The following NRCAM variants were observed in gnomAD, a reference collection of about 807,000 sequenced individuals.
The protein encoded by NRCAM is NgCAM-related cell adhesion molecule.
NRCAM carries 83 observed loss-of-function variants against 156.5 expected under a neutral mutation model. The ratio of observed to expected loss-of-function variants is 0.53; its 90% CI spans 0.44 to 0.64. NRCAM has a LOEUF of 0.64. NRCAM is among the 30% of genes least tolerant of loss of function. The probability of loss-of-function intolerance (pLI) is 0.00; values close to 1 mark genes in which losing one functional copy is unlikely to be tolerated. For missense variants in NRCAM, 1,417 were observed against 1,597.3 expected (o/e 0.89, Z 1.92); for synonymous variants, 538 against 563.9 (o/e 0.95, Z 0.65).
chr7:108,371,599 A>G (rs2099629029), intron 2 of NRCAM, among the ~76,000 whole-genome samples: 1 of 152,180 alleles, frequency 6.6e-6, no homozygotes, highest in Non-Finnish European at 1.5e-5. Flanking sequence ...TGAATTATTA[A>G]CAACTATGTG....
intron 2 of NRCAM, among the ~76,000 whole-genome samples, chr7:108,357,407 C>T (rs2099512563): frequency 6.6e-6 from 1 of 150,848 alleles, no homozygotes; most frequent in Non-Finnish European, 1.5e-5. Flanking sequence ...GATCTCATCT[C>T]ACTGGAACCT....
chr7:108,356,082 G>A lies in NRCAM; in HGVS notation c.-173-43351C>T, dbSNP rs540478662. Among the ~76,000 whole-genome samples the A allele has an allele frequency of 4.6e-5, 7 of 152,188 alleles. No individual in the cohort carries two copies. The East Asian group carries it at 1.4e-3, about 29-fold the overall frequency. On this transcript the variant is annotated intron_variant, in intron 2 of 32. Transcript: ENST00000379028. ...TTCTGCCTCACCCTGCTGAGTAGCT[G>A]GGACTACAGGCATGTACCACCACAT... is the stretch of plus-strand genomic sequence containing the variant.
intron 2 of NRCAM, among the ~76,000 whole-genome samples, chr7:108,392,506 G>C (rs902761795): frequency 6.6e-6 from 1 of 152,120 alleles, no homozygotes; most frequent in African/African-American, 2.4e-5. Flanking sequence ...GCTTCTTTGC[G>C]ATGGGTTTGA....
intron 3 of NRCAM, among the ~76,000 whole-genome samples, chr7:108,283,523 G>A (rs921583054): frequency 6.6e-6 from 1 of 152,190 alleles, no homozygotes; most frequent in Non-Finnish European, 1.5e-5. Flanking sequence ...AGGGGCACAC[G>A]TGGGAAACAG....
At chr7:108,248,496 C>T (rs1024936488) in intron 3 of NRCAM, among the ~76,000 whole-genome samples, 2 of 152,002 alleles carry the variant, frequency 1.3e-5, no homozygotes, top group African/African-American at 4.8e-5. Flanking sequence ...GGTAGAAGTC[C>T]ATGGGGTACC....
chr7:108,189,164 C>G (rs1167699133), intron 20 of NRCAM, among the ~76,000 whole-genome samples: 2 of 152,064 alleles, frequency 1.3e-5, no homozygotes, highest in Non-Finnish European at 2.9e-5. Flanking sequence ...AAGAAAGAGA[C>G]CTAGGTTGGA....
intron 2 of NRCAM, among the ~76,000 whole-genome samples, chr7:108,331,492 T>C (rs1393861651): frequency 5.3e-5 from 8 of 152,324 alleles, no homozygotes; most frequent in South Asian, 2.1e-4. Flanking sequence ...AACACCATAA[T>C]GCATGTGTGG....
intron 12 of NRCAM, 34 bp downstream of exon 12, chr7:108,209,387 T>C (rs890771738): frequency 2.1e-6 from 3 of 1,438,744 alleles, no homozygotes; most frequent in Non-Finnish European, 2.8e-6. Context: ...GGGTCTCTCA[T>C]GAAGGCAAGA....
At chr7:108,413,858 G>A (rs1022558393) in intron 1 of NRCAM, among the ~76,000 whole-genome samples, 1 of 152,104 alleles carries the variant, frequency 6.6e-6, no homozygotes, top group Non-Finnish European at 1.5e-5. Context: ...TCAGTGTAAA[G>A]TCCCTGCCAC....
chr7:108,433,233 G>A (rs1242377555), intron 1 of NRCAM, among the ~76,000 whole-genome samples: 6 of 151,884 alleles, frequency 4.0e-5, no homozygotes, highest in African/African-American at 7.3e-5. Context: ...GAGATTGCAC[G>A]CCCCCACCCC....
At chr7:108,178,364 G>T (rs1166151193) in intron 25 of NRCAM, 1 of 479,250 alleles carries the variant, frequency 2.1e-6, no homozygotes. Context: ...TTTGCCTTTA[G>T]ATGGACTCAA....
intron 11 of NRCAM, among the ~76,000 whole-genome samples, chr7:108,212,393 A>T (rs561565602): frequency 1.5e-4 from 23 of 152,230 alleles, no homozygotes; most frequent in Non-Finnish European, 3.1e-4. Flanking sequence ...CAAACCAAGA[A>T]GAAATCCCTG....
At position 108,209,586 on chromosome 7, in the gene NRCAM, A is replaced by G; in HGVS notation, c.910T>C (p.Trp304Arg). ...AEGLPTPIIYWAKEDGMLPKN... is the reference protein window; with the variant it reads ...AEGLPTPIIYRAKEDGMLPKN... ...GGTAGCATTCCATCTTCCTTTGCCC[A>G]GTAAATAATTGGGGTAGGCCTGATA... The change falls in exon 12 of 33, where the codon TGG becomes CGG. Residue 304 changes from tryptophan (W) to arginine (R), a missense_variant. Trp to Arg is a moderately radical substitution (Grantham distance 101). This residue lies in a region of NRCAM where 1,238 missense variants were observed against 1,336.4 expected (regional missense o/e 0.93). Coordinates refer to ENST00000379028, the MANE Select transcript of NRCAM (RefSeq NM_001037132.4). 1 of 1,608,674 alleles carries G rather than the reference A, an allele frequency of 6.2e-7. No individual in the cohort carries two copies. Among genetic ancestry groups the G allele is most frequent in the Non-Finnish European group, 8.5e-7 (1 of 1,178,176 alleles).
chr7:108,445,572 T>C (rs1666648604), intron 1 of NRCAM, among the ~76,000 whole-genome samples: 1 of 152,200 alleles, frequency 6.6e-6, no homozygotes, highest in Admixed American at 6.5e-5. Flanking sequence ...TTTCATTTCA[T>C]CATCATTTGT....
At chr7:108,414,647 G>C (rs1190614104) in intron 1 of NRCAM, among the ~76,000 whole-genome samples, 2 of 152,190 alleles carry the variant, frequency 1.3e-5, no homozygotes, top group African/African-American at 4.8e-5. Flanking sequence ...CAGTGTTTTA[G>C]AAAATGGGAG....
At chr7:108,231,401 A>G (rs17155235) in intron 7 of NRCAM, among the ~76,000 whole-genome samples, 2,464 of 152,328 alleles carry the variant, frequency 0.016, 44 homozygotes, top group South Asian at 0.08. Context: ...GAGAATTTAT[A>G]CTACATACAT....
intron 30 of NRCAM, among the ~76,000 whole-genome samples, chr7:108,165,113 A>G (rs448944): frequency 0.81 from 123,217 of 152,176 alleles, 50,231 homozygotes; most frequent in East Asian, 1. Context: ...ATAATCCAGA[A>G]CCAGTAACCA....
At chr7:108,418,927 G>C (rs373539952) in intron 1 of NRCAM, among the ~76,000 whole-genome samples, 1 of 152,032 alleles carries the variant, frequency 6.6e-6, no homozygotes, top group East Asian at 1.9e-4. Context: ...TTGAAAAATC[G>C]AGTGTTTCAG....
intron 1 of NRCAM, among the ~76,000 whole-genome samples, chr7:108,455,237 G>C (rs1015702353): frequency 2.0e-5 from 3 of 152,178 alleles, no homozygotes; most frequent in South Asian, 4.1e-4. Flanking sequence ...ATGCGGGCCG[G>C]GAGTAGCTGA....
Sources: gnomAD v4.1 joint callset for allele counts (sites outside exome capture counted in the v4.1 genomes callset) on GRCh38, gnomAD v4.1.1 for gene constraint, gnomAD v4.1.1 regional missense constraint, MANE v1.5 for transcripts, NCBI Gene and HGNC (gene_info 2026-07-23, HGNC 2026-07-21) for gene names.